CSMD1: variants seen among roughly 807,000 people sequenced by gnomAD.
The protein encoded by CSMD1 is CUB and Sushi multiple domains 1.
A neutral mutation model predicts 417.5 loss-of-function variants in CSMD1; 213 were observed. The observed-to-expected ratio is 0.51, with a 90% CI of 0.46 to 0.57. The LOEUF is 0.57. CSMD1 is among the 20% of genes least tolerant of loss of function. CSMD1 has a pLI of 0.00. For missense variants in CSMD1, 6,923 were observed against 4,529.7 expected (o/e 1.53, Z -15.17); for synonymous variants, 2,862 against 1,736.8 (o/e 1.65, Z -16.11).
chr8:4,666,369 A>T (rs1265191456), intron 1 of CSMD1, among the ~76,000 whole-genome samples: 1 of 152,192 alleles, frequency 6.6e-6, no homozygotes, highest in African/African-American at 2.4e-5. Context: ...AGGCAGAGTC[A>T]GTGTGAAAGT....
At chr8:4,071,780 T>C (rs983960525) in intron 3 of CSMD1, among the ~76,000 whole-genome samples, 2 of 152,306 alleles carry the variant, frequency 1.3e-5, no homozygotes, top group African/African-American at 2.4e-5. Flanking sequence ...TTTTATTCCT[T>C]GGCAGGAAAT....
intron 7 of CSMD1, among the ~76,000 whole-genome samples, chr8:3,688,803 A>C (rs1051281919): frequency 6.6e-6 from 1 of 152,312 alleles, no homozygotes; most frequent in African/African-American, 2.4e-5. Context: ...GTAATACTAT[A>C]GTAAATAAAA....
At chr8:4,780,275 G>A (rs17071319) in intron 1 of CSMD1, among the ~76,000 whole-genome samples, 2,804 of 152,264 alleles carry the variant, frequency 0.018, 39 homozygotes, top group Non-Finnish European at 0.028. Context: ...TGCTTTCTGA[G>A]CCCAGGCTTT....
intron 1 of CSMD1, among the ~76,000 whole-genome samples, chr8:4,743,997 G>C (rs1256292946): frequency 1.3e-5 from 2 of 152,226 alleles, no homozygotes; most frequent in African/African-American, 2.4e-5. Context: ...GTGTGTTAAA[G>C]TCACGCTCTA....
rs555839904 is a variant in CSMD1 at position 4,577,059 on chromosome 8, A to C, written c.302+60283T>G. Among the ~76,000 whole-genome samples the C allele has an allele frequency of 6.5e-4, 99 of 152,208 alleles. 1 individual carries two copies. Among genetic ancestry groups the C allele is most frequent in the Non-Finnish European group, 1.1e-3 (76 of 68,042 alleles). On this transcript the variant is annotated intron_variant, in intron 2 of 69. Transcript: ENST00000635120. Reference sequence around the variant, plus strand: ...CTTTAATATTGCTTTGATTACGAACAGGCCAAAAATGATTATATGATAATT... The same window carrying C: ...CTTTAATATTGCTTTGATTACGAACCGGCCAAAAATGATTATATGATAATT...
chr8:3,402,945 C>G (rs1812128998), intron 15 of CSMD1, among the ~76,000 whole-genome samples: 1 of 152,198 alleles, frequency 6.6e-6, no homozygotes, highest in South Asian at 2.1e-4. Flanking sequence ...TTTGCTGTCT[C>G]ACATTGTTTC....
chr8:3,500,089 G>A (rs1164926738), intron 10 of CSMD1, among the ~76,000 whole-genome samples: 4 of 152,134 alleles, frequency 2.6e-5, no homozygotes, highest in African/African-American at 4.8e-5. Flanking sequence ...CCTACAATCG[G>A]GAGTCCTTTT....
intron 5 of CSMD1, among the ~76,000 whole-genome samples, chr8:3,837,480 G>A (rs574176561): frequency 6.6e-6 from 1 of 152,056 alleles, no homozygotes; most frequent in Non-Finnish European, 1.5e-5. Flanking sequence ...ACCTAATGCT[G>A]AACAGCAGAA....
chr8:4,948,771 C>G (rs929914516), intron 1 of CSMD1, among the ~76,000 whole-genome samples: 2 of 151,918 alleles, frequency 1.3e-5, no homozygotes, highest in African/African-American at 4.8e-5. Context: ...TCTTTATAAC[C>G]CTGAAAGTCT....
intron 10 of CSMD1, among the ~76,000 whole-genome samples, chr8:3,545,657 C>T (rs974570721): frequency 6.6e-6 from 1 of 152,210 alleles, no homozygotes; most frequent in Non-Finnish European, 1.5e-5. Context: ...CGGTGGACAA[C>T]TTACAGACAC....
intron 10 of CSMD1, among the ~76,000 whole-genome samples, chr8:3,531,780 A>C (rs1211553537): frequency 6.6e-6 from 1 of 152,366 alleles, no homozygotes; most frequent in African/African-American, 2.4e-5. Flanking sequence ...CGGGCTGCAA[A>C]CATAGATAAG....
intron 10 of CSMD1, among the ~76,000 whole-genome samples, chr8:3,556,242 A>T (rs558308802): frequency 6.6e-6 from 1 of 151,508 alleles, no homozygotes; most frequent in East Asian, 1.9e-4. Context: ...GATCCTTTCC[A>T]TGTTTTTTGG....
intron 5 of CSMD1, among the ~76,000 whole-genome samples, chr8:3,932,585 A>G (rs1810226825): frequency 6.6e-6 from 1 of 150,696 alleles, no homozygotes; most frequent in African/African-American, 2.4e-5. Context: ...TACTGTGGCT[A>G]GTTAAAAATC....
intron 7 of CSMD1, among the ~76,000 whole-genome samples, chr8:3,675,767 A>C (rs549472217): frequency 1.3e-5 from 2 of 152,058 alleles, no homozygotes; most frequent in Admixed American, 6.6e-5. Context: ...TGAGAAATAT[A>C]TGTCTGTTGT....
At chr8:3,571,573 C>A (rs944429737) in intron 10 of CSMD1, among the ~76,000 whole-genome samples, 2 of 152,072 alleles carry the variant, frequency 1.3e-5, no homozygotes, top group Admixed American at 1.3e-4. Context: ...CTCCTGTTTC[C>A]CACACCCACG....
intron 3 of CSMD1, among the ~76,000 whole-genome samples, chr8:4,340,176 T>C (rs181009907): frequency 6.6e-6 from 1 of 152,112 alleles, no homozygotes; most frequent in Non-Finnish European, 1.5e-5. Flanking sequence ...TACCTTTTTT[T>C]TCTGATCCAA....
chr8:4,143,766 G>A (rs1220704143), intron 3 of CSMD1, among the ~76,000 whole-genome samples: 1 of 151,252 alleles, frequency 6.6e-6, no homozygotes, highest in Non-Finnish European at 1.5e-5. Flanking sequence ...AAGCCAGAAA[G>A]CACTTCACAG....
In CSMD1 at chr8:4,172,538, G is replaced by C. The variant is rs556005220; in HGVS notation, c.416-140439C>G. ...AATATTCTCTAACTATTTCTGCTTTGCTTGCAGTGGAAAGTGAGGCTCCAC... is the reference window on the plus strand; with the variant it reads ...AATATTCTCTAACTATTTCTGCTTTCCTTGCAGTGGAAAGTGAGGCTCCAC... On this transcript the variant is annotated intron_variant, in intron 3 of 69. Coordinates refer to ENST00000635120, the MANE Select transcript of CSMD1 (RefSeq NM_033225.6). Among the ~76,000 whole-genome samples the C allele has an allele frequency of 4.6e-5, 7 of 152,000 alleles. No homozygotes were observed. The East Asian group carries it at 1.2e-3, about 25-fold the overall frequency.
chr8:4,216,048 C>T (rs934965758), intron 3 of CSMD1, among the ~76,000 whole-genome samples: 10 of 152,204 alleles, frequency 6.6e-5, no homozygotes, highest in Non-Finnish European at 1.2e-4. Flanking sequence ...TGCACACCCA[C>T]GCCAGCCTAT....
Sources: gnomAD v4.1 joint callset for allele counts (sites outside exome capture counted in the v4.1 genomes callset) on GRCh38, gnomAD v4.1.1 for gene constraint, MANE v1.5 for transcripts, NCBI Gene and HGNC (gene_info 2026-07-23, HGNC 2026-07-21) for gene names.